The following TBL1XR1 variants were observed in gnomAD, a reference collection of about 807,000 sequenced individuals.
TBL1XR1 encodes the protein F-box-like/WD repeat-containing protein TBL1XR1.
In TBL1XR1, 5 loss-of-function variants were observed where a neutral mutation model predicts 66.9. That is an observed-to-expected ratio of 0.07 (90% CI 0.04 to 0.16). The LOEUF is 0.16. Among genes scored for constraint, TBL1XR1 ranks in the 10% least tolerant of loss-of-function variants. The probability of loss-of-function intolerance (pLI) is 1.00; values close to 1 mark genes in which losing one functional copy is unlikely to be tolerated. For synonymous variants in TBL1XR1, 210 were observed against 206.0 expected, an observed-to-expected ratio of 1.02 and a Z score of -0.17; for missense variants, 238 against 623.2, an observed-to-expected ratio of 0.38 and a Z score of 6.58.
In TBL1XR1 at chr3:177,145,826, G is replaced by C. The variant is rs548314443; in HGVS notation, c.-121-47285C>G. Among the ~76,000 whole-genome samples, 126 of 152,322 alleles carry C rather than the reference G, an allele frequency of 8.3e-4. 1 individual carries two copies. The highest frequency in any genetic ancestry group is 3.0e-3 in the African/African-American group (126 of 41,562). ...TTCTCCAGGTGTTGAACATATAGTT[G>C]CAAAGGGCAGTCTTAGTTTTCCAAC... is the stretch of plus-strand genomic sequence containing the variant. On this transcript the variant is annotated intron_variant, in intron 1 of 15. Transcript: ENST00000457928.
intron 3 of TBL1XR1, among the ~76,000 whole-genome samples, chr3:177,063,044 G>A (rs547662615): frequency 1.4e-4 from 22 of 151,964 alleles, no homozygotes; most frequent in Non-Finnish European, 2.9e-4. Context: ...TGAGGCAGGA[G>A]AATCGCTTGA....
intron 1 of TBL1XR1, among the ~76,000 whole-genome samples, chr3:177,155,839 A>G (rs1460120139): frequency 6.6e-6 from 1 of 151,924 alleles, no homozygotes; most frequent in African/African-American, 2.4e-5. Context: ...GAGAAACCCC[A>G]TCTCTACTAA....
chr3:177,023,871 T>C lies in TBL1XR1; in HGVS notation c.*1627A>G, dbSNP rs1191283323. The C allele has an allele frequency of 6.6e-6, 1 of 152,112 alleles. No individual in the cohort carries two copies. Among genetic ancestry groups the C allele is most frequent in the African/African-American group, 2.4e-5 (1 of 41,446 alleles). 9.4% of individuals were successfully genotyped at this position (152,112 alleles called of 1,614,324 possible). On this transcript the variant is annotated 3_prime_UTR_variant, in exon 16 of 16. Coordinates refer to ENST00000457928, the MANE Select transcript of TBL1XR1 (RefSeq NM_024665.7). ...AGCTCAACAATAAGCAATTCCTTAA[T>C]TAAAATCTTCGAGATATAAATTTGA...
chr3:177,165,985 G>T (rs1243519155), intron 1 of TBL1XR1, among the ~76,000 whole-genome samples: 3 of 152,144 alleles, frequency 2.0e-5, no homozygotes, highest in Non-Finnish European at 4.4e-5. Context: ...ACCTACTCAG[G>T]AGGCTGAGGT....
At chr3:177,197,794 A>C (rs1737102805), upstream of TBL1XR1, among the ~76,000 whole-genome samples, 1 of 147,080 alleles carries the variant, frequency 6.8e-6, no homozygotes, top group Non-Finnish European at 1.5e-5. Context: ...GCATTCTTTT[A>C]AAAATCAGGC....
At chr3:177,062,027 C>A (rs1452150030) in intron 3 of TBL1XR1, among the ~76,000 whole-genome samples, 1 of 152,192 alleles carries the variant, frequency 6.6e-6, no homozygotes, top group South Asian at 2.1e-4. Flanking sequence ...AGAACTATAA[C>A]ATTCTCAAAC....
At chr3:177,075,391 G>C (rs560325711) in intron 2 of TBL1XR1, among the ~76,000 whole-genome samples, 11 of 152,300 alleles carry the variant, frequency 7.2e-5, no homozygotes, top group African/African-American at 2.2e-4. Flanking sequence ...ATCTTAACTT[G>C]ATTTACAAAG....
At chr3:177,186,298 T>C (rs1735397516) in intron 1 of TBL1XR1, among the ~76,000 whole-genome samples, 2 of 152,368 alleles carry the variant, frequency 1.3e-5, no homozygotes, top group Middle Eastern at 3.4e-3. Flanking sequence ...TAAGCATGTA[T>C]ATTACATTGT....
At chr3:177,079,182 A>G (rs903819347) in intron 2 of TBL1XR1, among the ~76,000 whole-genome samples, 3 of 152,102 alleles carry the variant, frequency 2.0e-5, no homozygotes, top group Non-Finnish European at 4.4e-5. Flanking sequence ...CTGTAATCCC[A>G]GCACTTTGGA....
intron 2 of TBL1XR1, among the ~76,000 whole-genome samples, chr3:177,077,059 G>C (rs1003190146): frequency 2.6e-5 from 4 of 152,188 alleles, no homozygotes; most frequent in South Asian, 2.1e-4. Flanking sequence ...AACTGGAAGA[G>C]AGCCACAGTC....
intron 2 of TBL1XR1, among the ~76,000 whole-genome samples, chr3:177,093,445 T>A (rs117929881): frequency 0.014 from 2,164 of 152,170 alleles, 120 homozygotes; most frequent in Admixed American, 0.097. Flanking sequence ...AAATACTACA[T>A]CATTCTTCAC....
At chr3:177,107,556 T>A (rs905207156) in intron 1 of TBL1XR1, among the ~76,000 whole-genome samples, 6 of 152,280 alleles carry the variant, frequency 3.9e-5, no homozygotes, top group Admixed American at 2.0e-4. Context: ...TCATCCGGTG[T>A]TGGTTTGCCA....
At chr3:177,101,670 T>G (rs1417308010) in intron 1 of TBL1XR1, among the ~76,000 whole-genome samples, 1 of 152,228 alleles carries the variant, frequency 6.6e-6, no homozygotes, top group Non-Finnish European at 1.5e-5. Context: ...AGCCTGGACT[T>G]TCTAGCCTCT....
chr3:177,135,090 T>C (rs1219080973), intron 1 of TBL1XR1, among the ~76,000 whole-genome samples: 2 of 151,150 alleles, frequency 1.3e-5, no homozygotes, highest in Non-Finnish European at 3.0e-5. Context: ...GCAACCTCTG[T>C]CTCCAGGTTC....
In TBL1XR1 at chr3:177,081,743, CAA is replaced by C. The variant is rs34501803; in HGVS notation, c.-46+16721_-46+16722del. ...ACTAGATAAGGCAAGACCCTGACTT[CAA>C]AAAAAAAAAAAAAAAGATATTTAAT... On this transcript the variant is annotated intron_variant, in intron 2 of 15. Transcript: ENST00000457928. Among the ~76,000 whole-genome samples, 767 of 129,634 alleles carry C rather than the reference CAA, an allele frequency of 5.9e-3. 5 individuals are homozygous for C. The highest frequency in any genetic ancestry group is 0.011 in the African/African-American group (372 of 34,118). 85.0% of individuals were successfully genotyped at this position (129,634 alleles called of 152,430 possible).
chr3:177,158,869 A>G (rs1159310224), intron 1 of TBL1XR1, among the ~76,000 whole-genome samples: 1 of 152,174 alleles, frequency 6.6e-6, no homozygotes, highest in Non-Finnish European at 1.5e-5. Flanking sequence ...TCATTCTTCT[A>G]TAAACAATAT....
At chr3:177,063,877 AC>A (rs1269306106) in intron 3 of TBL1XR1, among the ~76,000 whole-genome samples, 1 of 152,106 alleles carries the variant, frequency 6.6e-6, no homozygotes, top group Non-Finnish European at 1.5e-5. Flanking sequence ...GGAATAGAAA[AC>A]CCCTACCCCC....
intron 1 of TBL1XR1, among the ~76,000 whole-genome samples, chr3:177,147,836 G>A (rs980798781): frequency 6.6e-6 from 1 of 152,166 alleles, no homozygotes; most frequent in Non-Finnish European, 1.5e-5. Flanking sequence ...GGTCCTGTAG[G>A]GAGAAGCCAG....
intron 1 of TBL1XR1, among the ~76,000 whole-genome samples, chr3:177,156,540 CACACACACTT>C (rs1168410548): frequency 6.7e-6 from 1 of 148,886 alleles, no homozygotes; most frequent in Non-Finnish European, 1.5e-5. Context: ...CACACACACA[CACACACACTT>C]ATATATATAT....
Sources: allele counts gnomAD v4.1 joint callset (sites outside exome capture counted in the v4.1 genomes callset), GRCh38; gene constraint gnomAD v4.1.1; transcripts MANE v1.5; gene names NCBI Gene and HGNC (gene_info 2026-07-23, HGNC 2026-07-21).